The following EZH2 variants were observed in gnomAD, a reference collection of about 807,000 sequenced individuals.
EZH2 encodes histone-lysine N-methyltransferase EZH2.
Under a neutral mutation model 98.4 loss-of-function variants are expected in EZH2, and 18 were observed. That is an observed-to-expected ratio of 0.18 (90% CI 0.13 to 0.27). EZH2 has a LOEUF of 0.27. Ranked by LOEUF, EZH2 falls within the 10% of genes least tolerant of loss-of-function variation. The pLI, the probability that EZH2 is intolerant of heterozygous loss-of-function variation, is 1.00. For synonymous variants in EZH2, 338 were observed against 312.3 expected, an observed-to-expected ratio of 1.08 and a Z score of -0.87; for missense variants, 470 against 935.1, an observed-to-expected ratio of 0.50 and a Z score of 6.49.
chr7:148,874,134 C>T (rs1043769549), intron 1 of EZH2, among the ~76,000 whole-genome samples: 5 of 152,166 alleles, frequency 3.3e-5, no homozygotes, highest in Non-Finnish European at 7.4e-5. Flanking sequence ...GCCTGTAATC[C>T]CAGCACTTTG....
intron 1 of EZH2, among the ~76,000 whole-genome samples, chr7:148,851,345 T>C (rs974649761): frequency 5.3e-5 from 8 of 152,164 alleles, no homozygotes; most frequent in African/African-American, 1.9e-4. Flanking sequence ...AAAAGGAAGC[T>C]GATATTGCCT....
chr7:148,840,661 T>C (rs1812188943), intron 3 of EZH2, among the ~76,000 whole-genome samples: 1 of 152,206 alleles, frequency 6.6e-6, no homozygotes, highest in South Asian at 2.1e-4. Flanking sequence ...AACTGCCTTG[T>C]TGGGTAGCTT....
In EZH2 at chr7:148,828,758, G is replaced by A; in HGVS notation, c.607C>T (p.Leu203=). The A allele has an allele frequency of 6.2e-7, 1 of 1,613,416 alleles. No individual in the cohort carries two copies. Among genetic ancestry groups the A allele is most frequent in the South Asian group, 1.1e-5 (1 of 90,996 alleles). The change falls in exon 6 of 20, where the codon CTG becomes TTG. Residue 203 remains leucine, a synonymous_variant. Coordinates refer to ENST00000320356, the MANE Select transcript of EZH2 (RefSeq NM_004456.5). ...GGCATACCATCTCGGTGATCCTCCA[G>A]ATCTTTCTGCTTTTCTTCTCTTTCT... ...PEEREEKQKD[L]EDHRDDKESR... is the part of the protein sequence containing the mutation.
At chr7:148,872,144 C>T (rs1455309072) in intron 1 of EZH2, among the ~76,000 whole-genome samples, 1 of 152,194 alleles carries the variant, frequency 6.6e-6, no homozygotes, top group African/African-American at 2.4e-5. Flanking sequence ...AAATAGTATA[C>T]AGCCTTTACA....
intron 3 of EZH2, among the ~76,000 whole-genome samples, chr7:148,833,385 A>G (rs1809943813): frequency 6.6e-6 from 1 of 151,534 alleles, no homozygotes; most frequent in Non-Finnish European, 1.5e-5. Flanking sequence ...TGAACCCGGG[A>G]GGCGGAGCTT....
At chr7:148,817,185 G>C in intron 11 of EZH2, 37 bp downstream of exon 11, 1 of 1,582,702 alleles carries the variant, frequency 6.3e-7, no homozygotes, top group Non-Finnish European at 8.6e-7. Context: ...CTCTATGTTT[G>C]AAGCTCTTTT....
intron 1 of EZH2, among the ~76,000 whole-genome samples, chr7:148,853,532 G>A (rs751320270): frequency 2.6e-5 from 4 of 152,198 alleles, no homozygotes; most frequent in Admixed American, 6.5e-5. Context: ...GACAGGAGGC[G>A]GAGCTCACCT....
chr7:148,856,834 G>A (rs1037694273), intron 1 of EZH2, among the ~76,000 whole-genome samples: 1 of 152,172 alleles, frequency 6.6e-6, no homozygotes, highest in Admixed American at 6.5e-5. Flanking sequence ...AACAACTGGA[G>A]GAGAAGGAAC....
At chr7:148,871,404 A>T (rs1339000925) in intron 1 of EZH2, among the ~76,000 whole-genome samples, 5 of 17,816 alleles carry the variant, frequency 2.8e-4, no homozygotes, top group Non-Finnish European at 4.0e-4. Context: ...ACGAATAATT[A>T]AAAAAAAAAA....
chr7:148,833,009 A>C (rs1257265549), intron 3 of EZH2, among the ~76,000 whole-genome samples: 1 of 152,156 alleles, frequency 6.6e-6, no homozygotes, highest in Non-Finnish European at 1.5e-5. Context: ...AAGAATCAAA[A>C]ACTGTACTTA....
chr7:148,818,312 T>C (rs1382276931), intron 9 of EZH2, among the ~76,000 whole-genome samples, 195 bp from the exon 10 acceptor site: 3 of 152,166 alleles, frequency 2.0e-5, no homozygotes, highest in Non-Finnish European at 4.4e-5. Context: ...GAAAGAGAAA[T>C]ATGGGTTCTA....
intron 16 of EZH2, 118 bp from the exon 17 acceptor site, chr7:148,810,532 T>G (rs1441628600): frequency 3.3e-6 from 2 of 612,840 alleles, no homozygotes; most frequent in Middle Eastern, 4.2e-4. Flanking sequence ...ACAAAAAGGG[T>G]CACTACAGCC....
At chr7:148,826,672 A>C in intron 7 of EZH2, 40 bp from the exon 8 acceptor site, 2 of 1,414,324 alleles carry the variant, frequency 1.4e-6, no homozygotes, top group Non-Finnish European at 1.9e-6. Flanking sequence ...ACATGAAACA[A>C]AAATCACTTT....
At chr7:148,828,703 T>G in intron 6 of EZH2, 37 bp downstream of exon 6, 2 of 1,588,978 alleles carry the variant, frequency 1.3e-6, no homozygotes, top group Non-Finnish European at 1.7e-6. Context: ...GAAAGAAAGC[T>G]GTAATGGCTA....
chr7:148,833,602 G>A (rs1810039891), intron 3 of EZH2, among the ~76,000 whole-genome samples: 1 of 152,160 alleles, frequency 6.6e-6, no homozygotes, highest in Non-Finnish European at 1.5e-5. Context: ...ATGGGTTTGT[G>A]TTTCAATCAC....
At chr7:148,880,197 CTA>C (rs954305764) in intron 1 of EZH2, among the ~76,000 whole-genome samples, 1 of 152,176 alleles carries the variant, frequency 6.6e-6, no homozygotes, top group African/African-American at 2.4e-5. Context: ...AATGGTGCAA[CTA>C]TCTTAGAAAT....
At chr7:148,845,327 A>G (rs1264805861) in intron 3 of EZH2, among the ~76,000 whole-genome samples, 1 of 152,212 alleles carries the variant, frequency 6.6e-6, no homozygotes, top group Non-Finnish European at 1.5e-5. Context: ...CCCCCATGCC[A>G]CTGACCTCTA....
At chr7:148,834,279 C>A (rs996302752) in intron 3 of EZH2, among the ~76,000 whole-genome samples, 1 of 150,394 alleles carries the variant, frequency 6.6e-6, no homozygotes, top group African/African-American at 2.5e-5. Context: ...CATTCATAAT[C>A]CACAATCAAT....
At chr7:148,820,004 C>T (rs1328408360) in intron 8 of EZH2, among the ~76,000 whole-genome samples, 10 of 152,204 alleles carry the variant, frequency 6.6e-5, no homozygotes, top group Admixed American at 6.5e-4. Context: ...ATCTTACTAT[C>T]TCTGTCTAAG....
Sources: allele counts gnomAD v4.1 joint callset (sites outside exome capture counted in the v4.1 genomes callset), GRCh38; gene constraint gnomAD v4.1.1; transcripts MANE v1.5; gene names NCBI Gene and HGNC (gene_info 2026-07-23, HGNC 2026-07-21).